CTNNA1: variants seen among roughly 807,000 people sequenced by gnomAD.
The protein encoded by CTNNA1 is catenin alpha 1, also known as catenin alpha-1.
CTNNA1 carries 37 observed loss-of-function variants against 98.4 expected under a neutral mutation model. That is an observed-to-expected ratio of 0.38 (90% CI 0.29 to 0.49). The LOEUF is 0.49. Ranked by LOEUF, CTNNA1 falls within the 20% of genes least tolerant of loss-of-function variation. The probability of loss-of-function intolerance (pLI) is 0.95; values close to 1 mark genes in which losing one functional copy is unlikely to be tolerated. For missense variants in CTNNA1, 761 were observed against 1,147.2 expected (o/e 0.66, Z 4.86); for synonymous variants, 404 against 413.2 (o/e 0.98, Z 0.27).
At chr5:138,858,247 C>T (rs1763906202) in intron 7 of CTNNA1, among the ~76,000 whole-genome samples, 1 of 152,072 alleles carries the variant, frequency 6.6e-6, no homozygotes, top group South Asian at 2.1e-4. Flanking sequence ...CCACCTCAGC[C>T]TCCTGAGTAG....
intron 7 of CTNNA1, among the ~76,000 whole-genome samples, chr5:138,831,376 T>C (rs980238691): frequency 3.3e-5 from 5 of 152,214 alleles, no homozygotes; most frequent in Non-Finnish European, 5.9e-5. Context: ...TTGATTCCAG[T>C]GTGCAACTAA....
At chr5:138,811,392 A>G (rs1174475321) in intron 4 of CTNNA1, among the ~76,000 whole-genome samples, 2 of 105,332 alleles carry the variant, frequency 1.9e-5, no homozygotes, top group African/African-American at 6.8e-5. Context: ...CACTTCCCAG[A>G]TGGGATGGCG....
intron 3 of CTNNA1, among the ~76,000 whole-genome samples, chr5:138,807,146 G>C (rs1261354235): frequency 6.6e-6 from 1 of 151,830 alleles, no homozygotes; most frequent in Non-Finnish European, 1.5e-5. Context: ...GAGTAACTGG[G>C]ATTACAGGCA....
intron 7 of CTNNA1, among the ~76,000 whole-genome samples, chr5:138,832,459 A>T (rs559525654): frequency 6.6e-6 from 1 of 152,342 alleles, no homozygotes; most frequent in South Asian, 2.1e-4. Context: ...GTCAGCCTAA[A>T]GTTGCTTTGC....
At chr5:138,922,118 C>G (rs1763037631) in intron 11 of CTNNA1, among the ~76,000 whole-genome samples, 1 of 152,180 alleles carries the variant, frequency 6.6e-6, no homozygotes, top group Non-Finnish European at 1.5e-5. Context: ...ACGTTGTAGA[C>G]TGACATTCTG....
At chr5:138,858,085 C>G (rs1232898643) in intron 7 of CTNNA1, among the ~76,000 whole-genome samples, 4 of 151,908 alleles carry the variant, frequency 2.6e-5, no homozygotes, top group Admixed American at 1.3e-4. Flanking sequence ...ACATTCACCT[C>G]TAAACACTGT....
At chr5:138,775,791 C>T (rs1373138168) in intron 1 of CTNNA1, among the ~76,000 whole-genome samples, 16 of 139,380 alleles carry the variant, frequency 1.1e-4, no homozygotes, top group Admixed American at 6.2e-4. Context: ...GGCGCGATCT[C>T]GGTTCACTGC....
chr5:138,770,052 T>G (rs920370510), intron 1 of CTNNA1, among the ~76,000 whole-genome samples: 2 of 151,636 alleles, frequency 1.3e-5, no homozygotes, highest in African/African-American at 2.4e-5. Context: ...GCCAGGCTAG[T>G]CACGAACTCT....
intron 7 of CTNNA1, among the ~76,000 whole-genome samples, chr5:138,850,877 CT>C (rs1285736017): frequency 6.6e-6 from 1 of 152,180 alleles, no homozygotes; most frequent in East Asian, 1.9e-4. Context: ...TCTAATAAGT[CT>C]TTTGGTGATT....
At chr5:138,765,901 A>G (rs1752874609) in intron 1 of CTNNA1, among the ~76,000 whole-genome samples, 2 of 146,328 alleles carry the variant, frequency 1.4e-5, no homozygotes, top group South Asian at 4.4e-4. Flanking sequence ...GTGAGCCAAG[A>G]TCGCGCCACT....
intron 11 of CTNNA1, among the ~76,000 whole-genome samples, chr5:138,921,327 G>A (rs750762173): frequency 6.6e-6 from 1 of 152,166 alleles, no homozygotes; most frequent in Non-Finnish European, 1.5e-5. Flanking sequence ...TGGTTGCTTA[G>A]AGAAGCTCTA....
intron 3 of CTNNA1, among the ~76,000 whole-genome samples, chr5:138,802,860 C>T (rs1012969726): frequency 3.3e-5 from 5 of 151,604 alleles, no homozygotes; most frequent in Admixed American, 3.3e-4. Context: ...TGCAGTGGTG[C>T]AGTCCCAGCT....
chr5:138,903,508 C>T (rs151336170), intron 9 of CTNNA1, among the ~76,000 whole-genome samples: 23 of 152,302 alleles, frequency 1.5e-4, no homozygotes, highest in Middle Eastern at 3.4e-3. Context: ...CAAGCCTGTT[C>T]ATTTAGAAAT....
intron 3 of CTNNA1, among the ~76,000 whole-genome samples, chr5:138,793,903 CAG>C (rs920561008): frequency 3.3e-5 from 5 of 151,726 alleles, no homozygotes; most frequent in African/African-American, 1.2e-4. Context: ...TCCTTACCCT[CAG>C]GGGATGGGGA....
chr5:138,902,094 A>G (rs1314879182), intron 9 of CTNNA1, among the ~76,000 whole-genome samples: 1 of 152,230 alleles, frequency 6.6e-6, no homozygotes, highest in East Asian at 1.9e-4. Context: ...ATGTTTTAAA[A>G]TAAAGAACAA....
chr5:138,786,577 T>C (rs570237054), intron 3 of CTNNA1, among the ~76,000 whole-genome samples: 58 of 152,330 alleles, frequency 3.8e-4, no homozygotes, highest in African/African-American at 1.3e-3. Context: ...TGCTATTTAC[T>C]TTGGGAGCAA....
In CTNNA1 at chr5:138,924,550, T is replaced by C. The variant is rs2150288066; in HGVS notation, c.1587T>C (p.Ala529=). 1 of 1,614,194 alleles carries C rather than the reference T, an allele frequency of 6.2e-7. No homozygotes were observed. Among genetic ancestry groups the C allele is most frequent in the Non-Finnish European group, 8.5e-7 (1 of 1,180,034 alleles). ...ILEDVNKCVI[A]LQEKDVDGLD... ...AAGATGTGAACAAATGTGTCATTGC[T>C]CTCCAAGAGAAGGATGTGGATGGCC... Residue 529 remains alanine (A), a synonymous_variant, in exon 12 of 18, where the codon GCT becomes GCC. Coordinates refer to ENST00000302763, the MANE Select transcript of CTNNA1 (RefSeq NM_001903.5).
chr5:138,793,658 A>T (rs2149684886), intron 3 of CTNNA1, among the ~76,000 whole-genome samples: 1 of 152,316 alleles, frequency 6.6e-6, no homozygotes, highest in South Asian at 2.1e-4. Context: ...CAGTAACATG[A>T]TTTCTACTAG....
chr5:138,865,580 A>G (rs909832278), intron 7 of CTNNA1, among the ~76,000 whole-genome samples: 2 of 152,230 alleles, frequency 1.3e-5, no homozygotes, highest in Non-Finnish European at 2.9e-5. Context: ...CACCAGGAAG[A>G]TCAGGGCCAA....
Sources: gnomAD v4.1 joint callset for allele counts (sites outside exome capture counted in the v4.1 genomes callset) on GRCh38, gnomAD v4.1.1 for gene constraint, MANE v1.5 for transcripts, NCBI Gene and HGNC (gene_info 2026-07-23, HGNC 2026-07-21) for gene names.